The following GSTO1 variants were observed in gnomAD, a reference collection of about 807,000 sequenced individuals.
GSTO1 encodes glutathione S-transferase omega 1.
Under a neutral mutation model 23.8 loss-of-function variants are expected in GSTO1, and 27 were observed. That is an observed-to-expected ratio of 1.13 (90% CI 0.83 to 1.56). The LOEUF (loss-of-function observed/expected upper bound fraction) is 1.56, where lower values mean the gene tolerates loss of function less well. GSTO1 is among the 40% of genes most tolerant of loss of function. The probability of loss-of-function intolerance (pLI) is 0.00; values close to 1 mark genes in which losing one functional copy is unlikely to be tolerated. For synonymous variants in GSTO1, 105 were observed against 109.3 expected (o/e 0.96, Z 0.25); for missense variants, 255 against 285.8 (o/e 0.89, Z 0.78).
At chr10:104,267,173 A>G (rs184911731) in intron 5 of GSTO1, 79 bp from the exon 6 acceptor site, 55 of 830,134 alleles carry the variant, frequency 6.6e-5, no homozygotes, top group Non-Finnish European at 9.9e-5. Context: ...ACTGTAGAGT[A>G]ATAATTACAT....
At chr10:104,254,807 C>T (rs1216587466), upstream of GSTO1, 43 of 956,610 alleles carry the variant, frequency 4.5e-5, no homozygotes, top group Non-Finnish European at 6.7e-5. Context: ...TGGCGGCCGC[C>T]GGGGGCAGGC....
Position 104,255,229 on chromosome 10 carries a change from T to C in GSTO1, c.101T>C (p.Phe34Ser). The change falls in exon 2 of 6, where the codon TTT becomes TCT. Residue 34 changes from phenylalanine (F) to serine (S), a missense_variant. Coordinates refer to ENST00000369713, the MANE Select transcript of GSTO1 (RefSeq NM_004832.3). ...ATCTACAGCATGAGGTTCTGCCCGT[T>C]TGCTGAGAGGACGCGTCTAGTCCTG... ...IRIYSMRFCP[F>S]AERTRLVLKA... 1 of 1,613,734 alleles carries C rather than the reference T, an allele frequency of 6.2e-7. No individual in the cohort carries two copies. The highest frequency in any genetic ancestry group is 8.5e-7 in the Non-Finnish European group (1 of 1,179,716).
At chr10:104,266,803 GTTACCTCCCAT>G (rs2011193688) in intron 5 of GSTO1, among the ~76,000 whole-genome samples, 2 of 151,864 alleles carry the variant, frequency 1.3e-5, no homozygotes, top group South Asian at 4.2e-4. Context: ...TACGACCAGT[GTTACCTCCCAT>G]TTACCGTAAG....
chr10:104,261,007 A>C (rs1180843994), intron 3 of GSTO1, among the ~76,000 whole-genome samples: 1 of 152,224 alleles, frequency 6.6e-6, no homozygotes, highest in Admixed American at 6.5e-5. Flanking sequence ...ACCAACCAAA[A>C]AAAATAAGCC....
intron 5 of GSTO1, 108 bp from the exon 6 acceptor site, chr10:104,267,144 T>C: frequency 1.6e-6 from 1 of 630,006 alleles, no homozygotes. Context: ...TAATGAAATA[T>C]TTAAGGGAAA....
rs754887155 is a variant in GSTO1 at position 104,267,240 on chromosome 10, C to T, written c.573-12C>T. 2.5e-6 allele frequency: 4 copies of T among 1,592,298 alleles called. No individual in the cohort carries two copies. The East Asian group carries it at 9.0e-5, about 36-fold the overall frequency. ...CCTAGCTCACACCTTTCATTTTTTC[C>T]TCTTCCCACAGGTGTGTAGACCACA... On this transcript the variant is annotated splice_polypyrimidine_tract_variant and intron_variant, in intron 5 of 5. Coordinates refer to ENST00000369713, the MANE Select transcript of GSTO1 (RefSeq NM_004832.3).
At chr10:104,267,109 T>G (rs2011199665) in intron 5 of GSTO1, 143 bp from the exon 6 acceptor site, 2 of 543,294 alleles carry the variant, frequency 3.7e-6, no homozygotes, top group Non-Finnish European at 6.4e-6. Context: ...TTGAATATTC[T>G]ATTACAGGCA....
upstream of GSTO1, chr10:104,254,760 C>G (rs2091592786): frequency 1.5e-6 from 1 of 683,810 alleles, no homozygotes; most frequent in Non-Finnish European, 2.6e-6. Context: ...GTTTTAAGGG[C>G]TATCCCATAA....
At position 104,259,793 on chromosome 10, in the gene GSTO1, T is replaced by C; in HGVS notation, c.361T>C (p.Ser121Pro). Residue 121 changes from serine (S) to proline (P), a missense_variant, in exon 3 of 6, where the codon TCT becomes CCT. Transcript: ENST00000369713. Reference protein sequence around the residue: ...ACQKMILELFSKVPSLVGSFI... With the variant: ...ACQKMILELFPKVPSLVGSFI... ...CCAGAAGATGATCTTAGAGTTGTTTTCTAAGGTTTGTGCATAAGAAATTTC... is the reference window on the plus strand; with the variant it reads ...CCAGAAGATGATCTTAGAGTTGTTTCCTAAGGTTTGTGCATAAGAAATTTC... 6.2e-7 allele frequency: 1 copy of C among 1,607,690 alleles called. No homozygotes were observed. The highest frequency in any genetic ancestry group is 8.5e-7 in the Non-Finnish European group (1 of 1,174,390).
chr10:104,255,111 G>A, intron 1 of GSTO1, 52 bp from the exon 2 acceptor site: 1 of 1,480,146 alleles, frequency 6.8e-7, no homozygotes, highest in Middle Eastern at 1.7e-4. Context: ...GTGGGATACG[G>A]GGGGTCTCGA....
intron 1 of GSTO1, 30 bp from the exon 2 acceptor site, chr10:104,255,133 G>C: frequency 6.4e-7 from 1 of 1,563,674 alleles, no homozygotes; most frequent in Non-Finnish European, 8.8e-7. Flanking sequence ...ACCTCTCTGG[G>C]CCGTAATCGC....
intron 3 of GSTO1, 30 bp downstream of exon 3, chr10:104,259,828 T>G (rs752779788): frequency 6.9e-7 from 1 of 1,451,470 alleles, no homozygotes. Context: ...CAGCTCCTAT[T>G]TGAAAAACCT....
chr10:104,254,987 G>A, intron 1 of GSTO1, 25 bp downstream of exon 1: 2 of 1,598,658 alleles, frequency 1.3e-6, no homozygotes, highest in Non-Finnish European at 1.7e-6. Context: ...CCGCGAAGAG[G>A]GGGTGATCTC....
intron 3 of GSTO1, among the ~76,000 whole-genome samples, chr10:104,260,710 C>T (rs756662674): frequency 5.3e-5 from 8 of 152,056 alleles, no homozygotes; most frequent in South Asian, 2.1e-4. Context: ...CTTGGTAGTA[C>T]GGTCAGTATA....
chr10:104,260,390 T>C (rs1004542394), intron 3 of GSTO1, among the ~76,000 whole-genome samples: 1 of 152,210 alleles, frequency 6.6e-6, no homozygotes, highest in African/African-American at 2.4e-5. Context: ...AAAATGGATA[T>C]AGTAATTGTT....
At chr10:104,260,184 G>A (rs1489133363) in intron 3 of GSTO1, among the ~76,000 whole-genome samples, 2 of 152,154 alleles carry the variant, frequency 1.3e-5, no homozygotes, top group Admixed American at 6.5e-5. Flanking sequence ...TAGTGCTCTA[G>A]CTTCTGAGTT....
upstream of GSTO1, chr10:104,254,248 T>C (rs1339601537): frequency 6.6e-6 from 1 of 152,550 alleles, no homozygotes; most frequent in Non-Finnish European, 1.5e-5. Flanking sequence ...AAGCTGTTAG[T>C]TTACATTGCC....
At chr10:104,263,510 T>C (rs770813655) in intron 4 of GSTO1, among the ~76,000 whole-genome samples, 3 of 152,236 alleles carry the variant, frequency 2.0e-5, no homozygotes, top group Non-Finnish European at 4.4e-5. Flanking sequence ...ATACTAAATA[T>C]TTCCCACCAG....
upstream of GSTO1, chr10:104,254,604 G>A (rs1280577841): frequency 2.0e-5 from 9 of 451,444 alleles, no homozygotes; most frequent in Non-Finnish European, 3.6e-5. Flanking sequence ...GTCAGGGTCA[G>A]GGTCAGACGT....
Sources: allele counts gnomAD v4.1 joint callset (sites outside exome capture counted in the v4.1 genomes callset), GRCh38; gene constraint gnomAD v4.1.1; transcripts MANE v1.5; gene names NCBI Gene and HGNC (gene_info 2026-07-23, HGNC 2026-07-21).